The following FBXL7 variants were observed in gnomAD, a reference collection of about 807,000 sequenced individuals.
FBXL7 encodes the protein F-box/LRR-repeat protein 7.
In FBXL7, 12 loss-of-function variants were observed where a neutral mutation model predicts 38.3. That is an observed-to-expected ratio of 0.31 (90% CI 0.20 to 0.51). FBXL7 has a LOEUF of 0.51. FBXL7 is among the 20% of genes least tolerant of loss of function. The probability of loss-of-function intolerance (pLI) is 0.98; values close to 1 mark genes in which losing one functional copy is unlikely to be tolerated. For synonymous variants in FBXL7, 297 were observed against 300.9 expected (o/e 0.99, Z 0.13); for missense variants, 567 against 676.4 (o/e 0.84, Z 1.79).
chr5:15,930,796 T>C (rs977812258), intron 3 of FBXL7, among the ~76,000 whole-genome samples: 4 of 152,192 alleles, frequency 2.6e-5, no homozygotes, highest in African/African-American at 9.7e-5. Flanking sequence ...ATAGATGGTC[T>C]TGAAAGACTC....
intron 1 of FBXL7, among the ~76,000 whole-genome samples, chr5:15,541,443 G>GTGTATATATATATATATATA (rs1264820921): frequency 2.6e-5 from 1 of 38,426 alleles, no homozygotes; most frequent in African/African-American, 9.4e-5. Context: ...GTGTGTGTGT[G>GTGTATATATATATATATATA]TATATATATA....
chr5:15,545,152 C>T (rs964721819), intron 1 of FBXL7, among the ~76,000 whole-genome samples: 2 of 152,198 alleles, frequency 1.3e-5, no homozygotes, highest in African/African-American at 4.8e-5. Context: ...TCAATGCTCA[C>T]ATTGGACCCG....
rs545278489 is a variant in FBXL7 at position 15,753,616 on chromosome 5, T to G, written c.127+137544T>G. ...TCTACATTGTATTGTTTTTCTCCTT[T>G]CAGAACTTTAGTATAAATTCATTAC... On this transcript the variant is annotated intron_variant, in intron 2 of 3. Coordinates refer to ENST00000504595, the MANE Select transcript of FBXL7 (RefSeq NM_012304.5). Among the ~76,000 whole-genome samples, 3 of 152,342 alleles carry G rather than the reference T, an allele frequency of 2.0e-5. No individual in the cohort carries two copies. In the East Asian group the frequency reaches 5.8e-4, roughly 29 times the overall value.
intron 2 of FBXL7, among the ~76,000 whole-genome samples, chr5:15,655,786 C>T (rs17523430): frequency 0.053 from 8,075 of 152,208 alleles, 305 homozygotes; most frequent in Non-Finnish European, 0.076. Flanking sequence ...CTAACACACT[C>T]GTTTCATATT....
At chr5:15,818,656 G>A (rs1193316324) in intron 2 of FBXL7, among the ~76,000 whole-genome samples, 3 of 150,792 alleles carry the variant, frequency 2.0e-5, no homozygotes, top group African/African-American at 7.3e-5. Context: ...AAAATTTTAT[G>A]GGACTTAAAT....
At chr5:15,891,485 A>T (rs1740899989) in intron 2 of FBXL7, among the ~76,000 whole-genome samples, 1 of 152,238 alleles carries the variant, frequency 6.6e-6, no homozygotes, top group African/African-American at 2.4e-5. Flanking sequence ...TATGTAAACT[A>T]GACTCTGTAA....
chr5:15,697,130 T>C (rs758912074), intron 2 of FBXL7, among the ~76,000 whole-genome samples: 2 of 152,158 alleles, frequency 1.3e-5, no homozygotes, highest in Admixed American at 6.5e-5. Context: ...GGTACCATGT[T>C]ATCAAGGTTT....
rs145418451 is a variant in FBXL7, at chr5:15,662,158, C to G, written c.127+46086C>G. Among the ~76,000 whole-genome samples, 82 of 152,218 alleles carry G rather than the reference C, an allele frequency of 5.4e-4. No individual in the cohort carries two copies. The Middle Eastern group carries it at 0.01, about 19-fold the overall frequency. On this transcript the variant is annotated intron_variant, in intron 2 of 3. Transcript: ENST00000504595. ...CCCACCCCAACAGTGTATAAGTGTT[C>G]CCTTTTCTCTGCAACCTCACCAGCA...
At chr5:15,723,214 T>C (rs566544964) in intron 2 of FBXL7, among the ~76,000 whole-genome samples, 15 of 152,290 alleles carry the variant, frequency 9.8e-5, no homozygotes, top group African/African-American at 3.4e-4. Flanking sequence ...ATGTTAACAA[T>C]TAATACAAAA....
chr5:15,847,957 C>T (rs545717759), intron 2 of FBXL7, among the ~76,000 whole-genome samples: 2 of 152,294 alleles, frequency 1.3e-5, no homozygotes, highest in African/African-American at 4.8e-5. Flanking sequence ...ACGCTTAGCA[C>T]TGGAGAGGAA....
At chr5:15,717,430 G>A (rs566973804) in intron 2 of FBXL7, among the ~76,000 whole-genome samples, 11 of 152,288 alleles carry the variant, frequency 7.2e-5, no homozygotes, top group African/African-American at 2.2e-4. Flanking sequence ...ATAAGTGTCA[G>A]CCACTTAAAC....
At chr5:15,786,075 C>A (rs930955935) in intron 2 of FBXL7, among the ~76,000 whole-genome samples, 3 of 152,204 alleles carry the variant, frequency 2.0e-5, no homozygotes, top group African/African-American at 4.8e-5. Flanking sequence ...ATGGCTTCTG[C>A]TGGTGACCTA....
At chr5:15,625,843 A>G (rs192058507) in intron 2 of FBXL7, among the ~76,000 whole-genome samples, 15 of 152,344 alleles carry the variant, frequency 9.8e-5, no homozygotes, top group Admixed American at 2.0e-4. Flanking sequence ...TCAATCTATG[A>G]CACCAAAAAA....
At chr5:15,610,832 A>C (rs1740209135) in intron 1 of FBXL7, among the ~76,000 whole-genome samples, 1 of 152,106 alleles carries the variant, frequency 6.6e-6, no homozygotes, top group African/African-American at 2.4e-5. Context: ...ATTTTATTTA[A>C]TTTTCACAAT....
At chr5:15,591,667 G>A (rs1228288729) in intron 1 of FBXL7, among the ~76,000 whole-genome samples, 1 of 151,914 alleles carries the variant, frequency 6.6e-6, no homozygotes, top group Non-Finnish European at 1.5e-5. Flanking sequence ...CAGATCTTGT[G>A]ATGTGAGTCT....
chr5:15,718,138 T>G lies in FBXL7; in HGVS notation c.127+102066T>G, dbSNP rs149407049. Among the ~76,000 whole-genome samples, 410 of 152,284 alleles carry G rather than the reference T, an allele frequency of 2.7e-3. 1 individual carries two copies. Among genetic ancestry groups the G allele is most frequent in the African/African-American group, 9.4e-3 (392 of 41,556 alleles). ...AATTCAGAATAGGAAAATGTATATA[T>G]GTTCCATGTACTTACTTGCGCACAC... On this transcript the variant is annotated intron_variant, in intron 2 of 3. Transcript: ENST00000504595.
intron 1 of FBXL7, among the ~76,000 whole-genome samples, chr5:15,519,583 C>T (rs1737043081): frequency 6.6e-6 from 1 of 152,194 alleles, no homozygotes; most frequent in Admixed American, 6.5e-5. Context: ...TGGAGAATCC[C>T]TTCAGATCAC....
At chr5:15,832,479 G>A (rs1738483534) in intron 2 of FBXL7, among the ~76,000 whole-genome samples, 1 of 152,174 alleles carries the variant, frequency 6.6e-6, no homozygotes, top group Admixed American at 6.5e-5. Context: ...ATAATTACCA[G>A]AAATGTGACT....
intron 2 of FBXL7, among the ~76,000 whole-genome samples, chr5:15,700,036 GA>G (rs1743473250): frequency 6.6e-6 from 1 of 152,126 alleles, no homozygotes; most frequent in Non-Finnish European, 1.5e-5. Context: ...TGCTTTTAAG[GA>G]AAACTAAAGC....
Sources: gnomAD v4.1 joint callset for allele counts (sites outside exome capture counted in the v4.1 genomes callset) on GRCh38, gnomAD v4.1.1 for gene constraint, MANE v1.5 for transcripts, NCBI Gene and HGNC (gene_info 2026-07-23, HGNC 2026-07-21) for gene names.